Variants in CEP104 observed in about 807,000 individuals in gnomAD.
CEP104 encodes the protein centrosomal protein of 104 kDa.
CEP104 carries 84 observed loss-of-function variants against 113.3 expected under a neutral mutation model. The ratio of observed to expected loss-of-function variants is 0.74; its 90% CI spans 0.62 to 0.89. The LOEUF (loss-of-function observed/expected upper bound fraction) is 0.89. Among genes scored for constraint, CEP104 ranks in the 40% least tolerant of loss-of-function variants. The pLI, the probability that CEP104 is intolerant of heterozygous loss-of-function variation, is 0.00. For synonymous variants in CEP104, 378 were observed against 421.7 expected (o/e 0.90, Z 1.27); for missense variants, 1,053 against 1,156.6 (o/e 0.91, Z 1.30).
chr1:3,827,456 G>C (rs950066013), intron 15 of CEP104, among the ~76,000 whole-genome samples: 3 of 152,108 alleles, frequency 2.0e-5, no homozygotes, highest in Admixed American at 6.5e-5. Flanking sequence ...CTGAAATCAA[G>C]TGATCCTCCT....
In CEP104 at chr1:3,829,927, A is replaced by G. The variant is rs772589144; in HGVS notation, c.1907T>C (p.Met636Thr). The G allele has an allele frequency of 1.2e-5, 20 of 1,614,190 alleles. No homozygotes were observed. The highest frequency in any genetic ancestry group is 1.6e-5 in the Non-Finnish European group (19 of 1,180,042). The change falls in exon 14 of 22, where the codon ATG becomes ACG. Residue 636 changes from methionine to threonine, a missense_variant. Coordinates refer to ENST00000378230, the MANE Select transcript of CEP104 (RefSeq NM_014704.4). ...GATGGAAGCCTGGTGCTGTCTGTAC[A>G]TGTCCAAAATAATTCGAACCGCCGT... ...RETAVRIILD[M>T]YRQHQASILE...
In CEP104 at chr1:3,845,330, T is replaced by A; in HGVS notation, c.448A>T (p.Ile150Phe). 6.2e-7 allele frequency: 1 copy of A among 1,609,096 alleles called. No homozygotes were observed. The highest frequency in any genetic ancestry group is 8.5e-7 in the Non-Finnish European group (1 of 1,176,296). Residue 150 changes from isoleucine to phenylalanine, a missense_variant, in exon 5 of 22, where the codon ATC becomes TTC. Transcript: ENST00000378230. ...CTGAAATCTGCAGGGTCTCCAATGATATTTATGGCAACCAAAGCAACCTAA... is the reference window on the plus strand; with the variant it reads ...CTGAAATCTGCAGGGTCTCCAATGAAATTTATGGCAACCAAAGCAACCTAA... ...YNQVALVAINIIGDPADFSDE... is the reference protein window; with the variant it reads ...YNQVALVAINFIGDPADFSDE...
Position 3,836,475 on chromosome 1 carries a change from T to TTTG in CEP104, c.1317+19_1317+20insCAA. On this transcript the variant is annotated intron_variant, in intron 10 of 21. Coordinates refer to ENST00000378230, the MANE Select transcript of CEP104 (RefSeq NM_014704.4). ...CCTCCCCTCTGCCACCCCGTTTTTTTTTTTTTTTTTTTTTTTTACCAAGGT... is the reference window on the plus strand; with the variant it reads ...CCTCCCCTCTGCCACCCCGTTTTTTTTTGTTTTTTTTTTTTTTTTTACCAAGGT... The TTTG allele has an allele frequency of 1.4e-6, 2 of 1,433,898 alleles. No homozygotes were observed. Among genetic ancestry groups the TTTG allele is most frequent in the Non-Finnish European group, 1.8e-6 (2 of 1,093,416 alleles). 88.8% of individuals were successfully genotyped at this position (1,433,898 alleles called of 1,614,324 possible).
intron 6 of CEP104, among the ~76,000 whole-genome samples, chr1:3,841,657 T>C (rs1245730308): frequency 6.6e-6 from 1 of 152,212 alleles, no homozygotes; most frequent in Non-Finnish European, 1.5e-5. Context: ...GGATTCCATG[T>C]CCAGCACAGG....
At position 3,836,542 on chromosome 1, in the gene CEP104, C is replaced by A. The variant is rs1244244900; in HGVS notation, c.1270G>T (p.Ala424Ser). ...LGEPEPLTEK[A>S]LREASSAIDV... is the part of the protein sequence containing the mutation. ...ATGGCAGAGCTGGCTTCTCTCAAGG[C>A]CTTCTCGGTTAAGGGCTCTGGCTCC... The change falls in exon 10 of 22, where the codon GCC (alanine) becomes TCC (serine). Residue 424 changes from alanine to serine, a missense_variant. By Grantham distance (99) the Ala-to-Ser change is moderately conservative. Transcript: ENST00000378230. The A allele has an allele frequency of 6.3e-7, 1 of 1,575,428 alleles. No homozygotes were observed. Among genetic ancestry groups the A allele is most frequent in the Non-Finnish European group, 8.6e-7 (1 of 1,163,536 alleles).
intron 20 of CEP104, 147 bp from the exon 21 acceptor site, chr1:3,816,517 A>G (rs1475078422): frequency 3.3e-6 from 2 of 610,456 alleles, no homozygotes; most frequent in African/African-American, 1.9e-5. Context: ...TCACCTGGGC[A>G]CCTCCCTTCG....
chr1:3,845,229 T>C, intron 5 of CEP104, 60 bp downstream of exon 5: 1 of 1,166,376 alleles, frequency 8.6e-7, no homozygotes. Context: ...TGAAAATAAA[T>C]GACTCCCTCC....
intron 6 of CEP104, among the ~76,000 whole-genome samples, chr1:3,843,612 A>G (rs1570833066): frequency 6.6e-6 from 1 of 151,986 alleles, no homozygotes; most frequent in African/African-American, 2.4e-5. Context: ...TTGGCCTCCC[A>G]AAGTGGTGAG....
intron 10 of CEP104, 67 bp from the exon 11 acceptor site, chr1:3,835,159 G>C: frequency 8.0e-7 from 1 of 1,256,016 alleles, no homozygotes; most frequent in Non-Finnish European, 1.0e-6. Context: ...CAACTTGAAG[G>C]CTTTGTTTTT....
chr1:3,848,522 A>AAT (rs1644550124), intron 3 of CEP104, 86 bp downstream of exon 3: 1 of 1,007,498 alleles, frequency 9.9e-7, no homozygotes, highest in African/African-American at 1.7e-5. Context: ...ACACAGCGAG[A>AAT]CTCCATCTCA....
chr1:3,822,390 G>A (rs79710484), intron 20 of CEP104, among the ~76,000 whole-genome samples: 2,627 of 152,334 alleles, frequency 0.017, 74 homozygotes, highest in African/African-American at 0.06. Context: ...CCATTTTGCT[G>A]GTACCATATC....
chr1:3,839,071 C>T lies in CEP104; in HGVS notation c.784G>A (p.Glu262Lys), dbSNP rs779241261. The change falls in exon 8 of 22, where the codon GAG (glutamate) becomes AAG (lysine). Residue 262 changes from glutamate to lysine, a missense_variant. By Grantham distance (56) the Glu-to-Lys change is moderately conservative. Transcript: ENST00000378230. ...RYEVEKRCAVEKEDYDLAKEK... is the reference protein window; with the variant it reads ...RYEVEKRCAVKKEDYDLAKEK... ...TTGGCGAGATCGTAGTCTTCCTTCT[C>T]CACGGCACAGCGTTTCTCTACCTCA... 9 of 1,614,140 alleles carry T rather than the reference C, an allele frequency of 5.6e-6. No individual in the cohort carries two copies. The highest frequency in any genetic ancestry group is 1.6e-4 in the Middle Eastern group (1 of 6,062).
chr1:3,826,351 G>A lies in CEP104; in HGVS notation c.2255+19C>T, dbSNP rs748692341. On this transcript the variant is annotated intron_variant, in intron 17 of 21. Coordinates refer to ENST00000378230, the MANE Select transcript of CEP104 (RefSeq NM_014704.4). Reference sequence around the variant, plus strand: ...TTGCCCTGACCATCGTACAATGGGTGGAAGACAGCGCGACTTACTTATCTA... The same window carrying A: ...TTGCCCTGACCATCGTACAATGGGTAGAAGACAGCGCGACTTACTTATCTA... The A allele has an allele frequency of 6.8e-6, 11 of 1,611,158 alleles. No individual in the cohort carries two copies. Among genetic ancestry groups the A allele is most frequent in the Non-Finnish European group, 8.5e-6 (10 of 1,177,540 alleles).
At chr1:3,818,822 A>G (rs1643918664) in intron 20 of CEP104, among the ~76,000 whole-genome samples, 2 of 152,250 alleles carry the variant, frequency 1.3e-5, no homozygotes, top group African/African-American at 4.8e-5. Context: ...TTCATTTTAC[A>G]AAACCCAAAC....
rs982704886 is a variant in CEP104, at chr1:3,857,146, ACCCGGCCACCTCTGCCCATAGC to A, written c.-294_-273del. 1 of 153,060 alleles carries A rather than the reference ACCCGGCCACCTCTGCCCATAGC, an allele frequency of 6.5e-6. No homozygotes were observed. The highest frequency in any genetic ancestry group is 2.4e-5 in the African/African-American group (1 of 41,300). 9.5% of individuals were successfully genotyped at this position (153,060 alleles called of 1,614,324 possible). On this transcript the variant is annotated 5_prime_UTR_variant, in exon 1 of 22. It removes an upstream start codon present in the reference 5' UTR. Transcript: ENST00000378230. ...TGCGGCAGTGACAGGGAAGAAGCAG[ACCCGGCCACCTCTGCCCATAGC>A]CCCGGCCGCAGCCTCCACTCTCATG...
At chr1:3,832,313 C>T (rs969786296) in intron 12 of CEP104, among the ~76,000 whole-genome samples, 11 of 147,892 alleles carry the variant, frequency 7.4e-5, no homozygotes, top group Admixed American at 2.7e-4. Flanking sequence ...TATTGTAGGT[C>T]GTAACCAGGA....
At chr1:3,824,230 G>A (rs891524103) in intron 18 of CEP104, among the ~76,000 whole-genome samples, 15 of 152,110 alleles carry the variant, frequency 9.9e-5, no homozygotes, top group African/African-American at 3.4e-4. Context: ...GGGATTACAG[G>A]CATACACCAC....
chr1:3,837,591 G>T (rs1644339869), intron 8 of CEP104, 72 bp from the exon 9 acceptor site: 3 of 1,296,120 alleles, frequency 2.3e-6, no homozygotes, highest in Non-Finnish European at 3.3e-6. Flanking sequence ...CATTCCTTCA[G>T]ATGAATAAGA....
At position 3,831,034 on chromosome 1, in the gene CEP104, A is replaced by C. The variant is rs1557670768; in HGVS notation, c.1836+12T>G. The C allele has an allele frequency of 6.2e-6, 10 of 1,610,156 alleles. No homozygotes were observed. In the South Asian group the frequency reaches 1.1e-4, roughly 18 times the overall value. ...TGGGCCGCGTGGTGTGTCACACGCG[A>C]GGTCTGCTTACCTTCATCACGTTGT... On this transcript the variant is annotated intron_variant, in intron 13 of 21. Transcript: ENST00000378230.
Sources: allele counts gnomAD v4.1 joint callset (sites outside exome capture counted in the v4.1 genomes callset), GRCh38; gene constraint gnomAD v4.1.1; transcripts MANE v1.5; gene names NCBI Gene and HGNC (gene_info 2026-07-23, HGNC 2026-07-21).